CSMD1: variants seen among roughly 807,000 people sequenced by gnomAD.
CSMD1 encodes the protein CUB and sushi domain-containing protein 1.
CSMD1 carries 213 observed loss-of-function variants against 417.5 expected under a neutral mutation model. The ratio of observed to expected loss-of-function variants is 0.51; its 90% CI spans 0.46 to 0.57. CSMD1 has a LOEUF of 0.57. Among genes scored for constraint, CSMD1 ranks in the 20% least tolerant of loss-of-function variants. The probability of loss-of-function intolerance (pLI) is 0.00; values close to 1 mark genes in which losing one functional copy is unlikely to be tolerated. For missense variants in CSMD1, 6,923 were observed against 4,529.7 expected, an observed-to-expected ratio of 1.53 and a Z score of -15.17; for synonymous variants, 2,862 against 1,736.8, an observed-to-expected ratio of 1.65 and a Z score of -16.11.
chr8:4,804,620 T>C (rs115607153), intron 1 of CSMD1, among the ~76,000 whole-genome samples: 1,688 of 152,148 alleles, frequency 0.011, 26 homozygotes, highest in African/African-American at 0.038. Context: ...AGACAGGGGA[T>C]ATAAAAGGCA....
At chr8:3,016,656 A>G (rs1226676168) in intron 52 of CSMD1, among the ~76,000 whole-genome samples, 1 of 152,126 alleles carries the variant, frequency 6.6e-6, no homozygotes, top group Non-Finnish European at 1.5e-5. Flanking sequence ...TTTTCCCTTT[A>G]AATACTCTAT....
At chr8:3,966,218 T>C (rs2688347) in intron 5 of CSMD1, among the ~76,000 whole-genome samples, 110,242 of 152,004 alleles carry the variant, frequency 0.73, 40,733 homozygotes, top group East Asian at 0.94. Flanking sequence ...ATTGCCAGCT[T>C]ATTGGCTAAA....
chr8:4,192,307 T>C (rs964264225), intron 3 of CSMD1, among the ~76,000 whole-genome samples: 1 of 152,210 alleles, frequency 6.6e-6, no homozygotes, highest in African/African-American at 2.4e-5. Flanking sequence ...AAGTATGCAA[T>C]TACATTGTCC....
chr8:4,780,987 G>C (rs937579417), intron 1 of CSMD1, among the ~76,000 whole-genome samples: 1 of 152,102 alleles, frequency 6.6e-6, no homozygotes, highest in Non-Finnish European at 1.5e-5. Flanking sequence ...CTCAATCAAA[G>C]GTCAGTGTCT....
intron 6 of CSMD1, among the ~76,000 whole-genome samples, chr8:3,724,772 G>T (rs1399541573): frequency 6.6e-6 from 1 of 152,150 alleles, no homozygotes; most frequent in Non-Finnish European, 1.5e-5. Flanking sequence ...TAAGCAAAAA[G>T]CCATAAGAAT....
intron 49 of CSMD1, among the ~76,000 whole-genome samples, chr8:3,078,472 G>A (rs1403170672): frequency 6.6e-6 from 1 of 152,204 alleles, no homozygotes; most frequent in African/African-American, 2.4e-5. Flanking sequence ...GCAAACTGCA[G>A]AAAGTAACTG....
chr8:3,694,543 C>T (rs1800442426), intron 7 of CSMD1, among the ~76,000 whole-genome samples: 1 of 151,930 alleles, frequency 6.6e-6, no homozygotes, highest in Non-Finnish European at 1.5e-5. Context: ...GTGAGATCCC[C>T]AGGTTCAGGT....
At chr8:3,892,904 C>G (rs1051054803) in intron 5 of CSMD1, among the ~76,000 whole-genome samples, 6 of 151,356 alleles carry the variant, frequency 4.0e-5, no homozygotes, top group African/African-American at 1.5e-4. Flanking sequence ...TTGATGTGGA[C>G]AGAGCAAGAG....
chr8:4,159,535 C>A (rs1797026836), intron 3 of CSMD1, among the ~76,000 whole-genome samples: 2 of 152,258 alleles, frequency 1.3e-5, no homozygotes, highest in South Asian at 2.1e-4. Flanking sequence ...ACCACTCAGC[C>A]ATAAAAAGCA....
chr8:4,957,800 G>GT (rs1809218906), intron 1 of CSMD1, among the ~76,000 whole-genome samples: 1 of 152,154 alleles, frequency 6.6e-6, no homozygotes, highest in Admixed American at 6.6e-5. Context: ...TAGGACAGGG[G>GT]TGTACTAGCT....
At chr8:3,573,252 A>C (rs553848434) in intron 10 of CSMD1, among the ~76,000 whole-genome samples, 27 of 152,334 alleles carry the variant, frequency 1.8e-4, no homozygotes, top group Non-Finnish European at 1.0e-4. Context: ...CTCTTTGCCC[A>C]AATTCATGCA....
At chr8:4,725,522 C>G (rs1473561072) in intron 1 of CSMD1, among the ~76,000 whole-genome samples, 1 of 152,156 alleles carries the variant, frequency 6.6e-6, no homozygotes, top group Non-Finnish European at 1.5e-5. Context: ...CAGAGATTTC[C>G]ATTTTGCGAA....
At chr8:3,152,616 A>C (rs983309399) in intron 39 of CSMD1, among the ~76,000 whole-genome samples, 3 of 152,226 alleles carry the variant, frequency 2.0e-5, no homozygotes, top group African/African-American at 4.8e-5. Context: ...CCAGGGCACC[A>C]TATTCTGGAT....
rs376052671 is a variant in CSMD1 at position 4,762,111 on chromosome 8, A to G, written c.86-124553T>C. ...TGGTGTTTTAAACTCAATTTCCCCT[A>G]TAAAATAATGGAACTGAAATAAATG... On this transcript the variant is annotated intron_variant, in intron 1 of 69. Transcript: ENST00000635120. 1.8e-4 allele frequency among the ~76,000 whole-genome samples: 27 copies of G among 152,230 alleles called. No individual in the cohort carries two copies. The East Asian group carries it at 4.3e-3, about 24-fold the overall frequency.
chr8:4,252,247 G>A (rs1186405894), intron 3 of CSMD1, among the ~76,000 whole-genome samples: 1 of 152,158 alleles, frequency 6.6e-6, no homozygotes, highest in Non-Finnish European at 1.5e-5. Context: ...TTCCGTTCCT[G>A]GCTTCAGCCT....
At chr8:3,910,162 A>T (rs1356855710) in intron 5 of CSMD1, among the ~76,000 whole-genome samples, 1 of 152,220 alleles carries the variant, frequency 6.6e-6, no homozygotes, top group African/African-American at 2.4e-5. Flanking sequence ...TGTCGGACAC[A>T]TGTTACATCG....
intron 12 of CSMD1, among the ~76,000 whole-genome samples, chr8:3,426,510 C>T (rs1021911584): frequency 6.6e-6 from 1 of 152,198 alleles, no homozygotes; most frequent in Non-Finnish European, 1.5e-5. Context: ...TCAATTGCCT[C>T]CTCTCCTCCT....
intron 3 of CSMD1, among the ~76,000 whole-genome samples, chr8:4,050,526 T>C (rs1274338476): frequency 6.6e-6 from 1 of 152,100 alleles, no homozygotes; most frequent in Non-Finnish European, 1.5e-5. Context: ...CCTGGAGGGG[T>C]AAATCTTTAA....
chr8:4,293,022 T>C (rs372987072), intron 3 of CSMD1, among the ~76,000 whole-genome samples: 2 of 152,028 alleles, frequency 1.3e-5, no homozygotes, highest in Non-Finnish European at 1.5e-5. Context: ...GGAGGGAAAG[T>C]GTGGTTATGG....
Sources: allele counts gnomAD v4.1 joint callset (sites outside exome capture counted in the v4.1 genomes callset), GRCh38; gene constraint gnomAD v4.1.1; transcripts MANE v1.5; gene names NCBI Gene and HGNC (gene_info 2026-07-23, HGNC 2026-07-21).